The following CALR variants were observed in gnomAD, a reference collection of about 807,000 sequenced individuals.
The protein encoded by CALR is calreticulin.
A neutral mutation model predicts 51.1 loss-of-function variants in CALR; 15 were observed. The ratio of observed to expected loss-of-function variants is 0.29; its 90% CI spans 0.20 to 0.45. The LOEUF is 0.45. Among genes scored for constraint, CALR ranks in the 20% least tolerant of loss-of-function variants. CALR has a pLI of 1.00. For synonymous variants in CALR, 239 were observed against 205.9 expected, an observed-to-expected ratio of 1.16 and a Z score of -1.38; for missense variants, 477 against 530.6, an observed-to-expected ratio of 0.90 and a Z score of 0.99.
intron 7 of CALR, among the ~76,000 whole-genome samples, chr19:12,942,429 A>G (rs1971561389): frequency 6.6e-6 from 1 of 151,976 alleles, no homozygotes; most frequent in African/African-American, 2.4e-5. Flanking sequence ...TCTGTGCCCA[A>G]GACAGTTCTG....
chr19:12,943,059 G>GTCTCTCCA (rs1971569983), intron 7 of CALR, among the ~76,000 whole-genome samples: 1 of 143,424 alleles, frequency 7.0e-6, no homozygotes, highest in African/African-American at 2.6e-5. Context: ...GTCCCTGGCT[G>GTCTCTCCA]TCTCTCCATC....
At chr19:12,939,827 C>T (rs1971521359) in intron 3 of CALR, among the ~76,000 whole-genome samples, 196 bp downstream of exon 3, 1 of 152,068 alleles carries the variant, frequency 6.6e-6, no homozygotes, top group East Asian at 1.9e-4. Flanking sequence ...ATTTCCCAAT[C>T]TTACTAATGA....
chr19:12,943,605 C>A lies in CALR; in HGVS notation c.1029C>A (p.Gly343=), dbSNP rs1317420697. The stretch of plus-strand genomic sequence containing the variant: ...ATGAGGCATACGCTGAGGAGTTTGG[C>A]AACGAGACGTGGGGCGTAACAAAGG... The part of the protein sequence containing the change: ...TNDEAYAEEF[G]NETWGVTKAA... The change falls in exon 8 of 9, where the codon GGC becomes GGA. Residue 343 remains glycine (G), a synonymous_variant. Transcript: ENST00000316448. 1 of 1,614,032 alleles carries A rather than the reference C, an allele frequency of 6.2e-7. No individual in the cohort carries two copies. The highest frequency in any genetic ancestry group is 1.7e-5 in the Admixed American group (1 of 59,992).
Position 12,943,745 on chromosome 19 carries a change from C to G in CALR, c.1086C>G (p.Asp362Glu), listed in dbSNP as rs151032910. 8.1e-6 allele frequency: 13 copies of G among 1,612,474 alleles called. No individual in the cohort carries two copies. The highest frequency in any genetic ancestry group is 1.1e-5 in the Non-Finnish European group (13 of 1,179,402). The change falls in exon 9 of 9, where the codon GAC becomes GAG. Residue 362 changes from aspartate to glutamate, a missense_variant. Physicochemically the swap from Asp to Glu is conservative, Grantham distance 45. Transcript: ENST00000316448. ...AAEKQMKDKQ[D>E]EEQRLKEEEE... ...AGAAACAAATGAAGGACAAACAGGA[C>G]GAGGAGCAGAGGCTTAAGGAGGAGG...
Position 12,939,651 on chromosome 19 carries a change from T to A in CALR, c.397+20T>A. On this transcript the variant is annotated intron_variant, in intron 3 of 8. Coordinates refer to ENST00000316448, the MANE Select transcript of CALR (RefSeq NM_004343.4). ...TGTTTGGTGAGGGCCTGCTTCCTGG[T>A]GCTGATCTCTGTCCCATTAGTTAGA... 6.3e-7 allele frequency: 1 copy of A among 1,596,860 alleles called. No individual in the cohort carries two copies. The highest frequency in any genetic ancestry group is 8.6e-7 in the Non-Finnish European group (1 of 1,164,344).
chr19:12,940,968 C>T lies in CALR; in HGVS notation c.960+81C>T, dbSNP rs1333403933. 2.9e-6 allele frequency: 4 copies of T among 1,388,790 alleles called. No individual in the cohort carries two copies. In the African/African-American group the frequency reaches 5.7e-5, roughly 20 times the overall value. The allele number at this position is 1,388,790 out of a possible 1,614,324, so 86.0% of individuals were successfully genotyped here. On this transcript the variant is annotated intron_variant, in intron 7 of 8. Coordinates refer to ENST00000316448, the MANE Select transcript of CALR (RefSeq NM_004343.4). Reference sequence around the variant, plus strand: ...CCCAAGAGGAAAGGGACAGGGTAGGCACCCCAGGTGAGTCTGACTCAAAAA... The same window carrying T: ...CCCAAGAGGAAAGGGACAGGGTAGGTACCCCAGGTGAGTCTGACTCAAAAA...
Position 12,940,260 on chromosome 19 carries a change from C to T in CALR, c.510C>T (p.His170=), listed in dbSNP as rs756758612. The change falls in exon 5 of 9, where the codon CAC becomes CAT. Residue 170 remains histidine (H), a synonymous_variant. Transcript: ENST00000316448. ...TTCTTCAGGATGATGAGTTTACACA[C>T]CTGTACACACTGATTGTGCGGCCAG... The part of the protein sequence containing the change: ...DIRCKDDEFT[H]LYTLIVRPDN... 3 of 1,614,182 alleles carry T rather than the reference C, an allele frequency of 1.9e-6. No individual in the cohort carries two copies. The highest frequency in any genetic ancestry group is 1.7e-5 in the Admixed American group (1 of 60,014).
chr19:12,943,998 G>A lies in CALR; in HGVS notation c.*85G>A, dbSNP rs530306492. ...GCCAAATAATGTCTCTGTGAGACTC[G>A]AGAACTTTCATTTTTTTCCAGGCTG... On this transcript the variant is annotated 3_prime_UTR_variant, in exon 9 of 9. Transcript: ENST00000316448. 8.3e-5 allele frequency: 131 copies of A among 1,571,320 alleles called. No individual in the cohort carries two copies. The African/African-American group carries it at 1.5e-3, about 18-fold the overall frequency.
intron 7 of CALR, 117 bp from the exon 8 acceptor site, chr19:12,943,420 C>T: frequency 2.2e-6 from 2 of 892,226 alleles, no homozygotes; most frequent in South Asian, 1.4e-5. Context: ...TGTTCCTTGT[C>T]TTCTCTGCAG....
Position 12,944,468 on chromosome 19 carries a change from A to T in CALR, c.*555A>T, listed in dbSNP as rs1436511469. 5.9e-6 allele frequency: 1 copy of T among 170,306 alleles called. No homozygotes were observed. Among genetic ancestry groups the T allele is most frequent in the Admixed American group, 6.3e-5 (1 of 15,804 alleles). 10.5% of individuals were successfully genotyped at this position (170,306 alleles called of 1,614,324 possible). A position where few individuals can be genotyped will look rare whatever the true frequency, so the allele number is the denominator to read the frequency against. Reference sequence around the variant, plus strand: ...TGTAAGAACTACAAACAAAATTTCTATTAAATTAAATTTTGTGTCTCCCTC... The same window carrying T: ...TGTAAGAACTACAAACAAAATTTCTTTTAAATTAAATTTTGTGTCTCCCTC... On this transcript the variant is annotated 3_prime_UTR_variant, in exon 9 of 9. Coordinates refer to ENST00000316448, the MANE Select transcript of CALR (RefSeq NM_004343.4).
chr19:12,943,003 G>A (rs191044678), intron 7 of CALR, among the ~76,000 whole-genome samples: 1,568 of 150,062 alleles, frequency 0.01, 14 homozygotes, highest in Non-Finnish European at 0.016. Context: ...TGATCCGTTC[G>A]CCATGACCTC....
chr19:12,939,441 C>T lies in CALR; in HGVS notation c.207C>T (p.Ser69=). ...GTCCCGTCTCAGGTTTGCAGACAAG[C>T]CAGGATGCACGCTTTTATGCTCTGT... is the stretch of plus-strand genomic sequence containing the variant. ...DEEKDKGLQT[S]QDARFYALSA... Residue 69 remains serine, a synonymous_variant, in exon 3 of 9, where the codon AGC becomes AGT. Transcript: ENST00000316448. 2 of 1,612,364 alleles carry T rather than the reference C, an allele frequency of 1.2e-6. No homozygotes were observed. Among genetic ancestry groups the T allele is most frequent in the Non-Finnish European group, 1.7e-6 (2 of 1,180,018 alleles).
intron 7 of CALR, 44 bp downstream of exon 7, chr19:12,940,931 T>C (rs1322792273): frequency 1.9e-6 from 3 of 1,601,634 alleles, no homozygotes; most frequent in Non-Finnish European, 2.6e-6. Context: ...GTACCTCAAG[T>C]GCATAAGATC....
At position 12,938,796 on chromosome 19, in the gene CALR, C is replaced by T. The variant is rs778107764; in HGVS notation, c.91+26C>T. ...GTAACGCCTGGTCCCGCCTCGAGGC[C>T]GCCCCGACGACGCGGCCGGCCCCCG... On this transcript the variant is annotated intron_variant, in intron 1 of 8. Coordinates refer to ENST00000316448, the MANE Select transcript of CALR (RefSeq NM_004343.4). 2.1e-5 allele frequency: 32 copies of T among 1,548,122 alleles called. No individual in the cohort carries two copies. In the Admixed American group the frequency reaches 5.2e-4, roughly 25 times the overall value.
chr19:12,938,886 C>T (rs1971503796), intron 1 of CALR, 116 bp downstream of exon 1: 4 of 876,258 alleles, frequency 4.6e-6, no homozygotes, highest in Non-Finnish European at 7.5e-6. Context: ...CCTCCCGGGA[C>T]TAGAGCCGCG....
chr19:12,943,982 T>A lies in CALR; in HGVS notation c.*69T>A. 1 of 1,590,214 alleles carries A rather than the reference T, an allele frequency of 6.3e-7. No individual in the cohort carries two copies. Among genetic ancestry groups the A allele is most frequent in the Non-Finnish European group, 8.6e-7 (1 of 1,169,162 alleles). On this transcript the variant is annotated 3_prime_UTR_variant, in exon 9 of 9. Transcript: ENST00000316448. Reference sequence around the variant, plus strand: ...CCGCAGAGCTGGCCGCGCCAAATAATGTCTCTGTGAGACTCGAGAACTTTC... The same window carrying A: ...CCGCAGAGCTGGCCGCGCCAAATAAAGTCTCTGTGAGACTCGAGAACTTTC...
At chr19:12,939,663 T>A in intron 3 of CALR, 32 bp downstream of exon 3, 9 of 1,575,382 alleles carry the variant, frequency 5.7e-6, no homozygotes, top group Non-Finnish European at 7.0e-6. Context: ...CTGATCTCTG[T>A]CCCATTAGTT....
At chr19:12,939,994 T>G in intron 3 of CALR, 59 bp from the exon 4 acceptor site, 5 of 1,194,708 alleles carry the variant, frequency 4.2e-6, no homozygotes, top group Non-Finnish European at 6.2e-6. Flanking sequence ...TAAAGAGGGG[T>G]GAGAGCCTCG....
chr19:12,940,209 G>T (rs371478924), intron 4 of CALR, 34 bp from the exon 5 acceptor site: 7 of 1,609,752 alleles, frequency 4.3e-6, no homozygotes, highest in Non-Finnish European at 4.3e-6. Context: ...GCCTCATTGG[G>T]GGGTGGCCCC....
Sources: gnomAD v4.1 joint callset for allele counts (sites outside exome capture counted in the v4.1 genomes callset) on GRCh38, gnomAD v4.1.1 for gene constraint, MANE v1.5 for transcripts, NCBI Gene and HGNC (gene_info 2026-07-23, HGNC 2026-07-21) for gene names.